Variants in HDAC2 observed in about 807,000 individuals in gnomAD.
HDAC2 encodes histone deacetylase 2.
Under a neutral mutation model 68.5 loss-of-function variants are expected in HDAC2, and 5 were observed. The observed-to-expected ratio is 0.07, with a 90% CI of 0.04 to 0.15. HDAC2 has a LOEUF of 0.15. HDAC2 is among the 10% of genes least tolerant of loss of function. The probability of loss-of-function intolerance (pLI) is 1.00; values close to 1 mark genes in which losing one functional copy is unlikely to be tolerated. For synonymous variants in HDAC2, 182 were observed against 191.3 expected (o/e 0.95, Z 0.40); for missense variants, 291 against 600.8 (o/e 0.48, Z 5.39).
intron 3 of HDAC2, among the ~76,000 whole-genome samples, chr6:113,957,620 G>A (rs1390217783): frequency 1.3e-5 from 2 of 152,004 alleles, no homozygotes; most frequent in East Asian, 1.9e-4. Context: ...AGAGTAGTGG[G>A]ATTACAGGCG....
chr6:113,960,059 G>C, intron 1 of HDAC2, 41 bp from the exon 2 acceptor site: 1 of 938,632 alleles, frequency 1.1e-6, no homozygotes, highest in Non-Finnish European at 1.8e-6. Flanking sequence ...ACAGACAAGA[G>C]ACCCTCCATG....
At chr6:113,955,812 C>T in intron 5 of HDAC2, 1 of 475,720 alleles carries the variant, frequency 2.1e-6, no homozygotes, top group South Asian at 4.0e-5. Flanking sequence ...TGCCTGGCCA[C>T]ACTTCTAAGT....
At chr6:113,954,107 G>A (rs182537835) in intron 5 of HDAC2, among the ~76,000 whole-genome samples, 61 of 152,318 alleles carry the variant, frequency 4.0e-4, no homozygotes, top group African/African-American at 1.3e-3. Flanking sequence ...TAACTCAAAC[G>A]CAGTTTAGGA....
At chr6:113,950,624 G>A (rs552466871) in intron 6 of HDAC2, among the ~76,000 whole-genome samples, 3 of 146,734 alleles carry the variant, frequency 2.0e-5, no homozygotes, top group Admixed American at 7.0e-5. Flanking sequence ...TCGAACTCTC[G>A]ACCTCAGGTA....
intron 1 of HDAC2, among the ~76,000 whole-genome samples, chr6:113,969,243 A>T (rs1186731525): frequency 6.6e-6 from 1 of 152,194 alleles, no homozygotes; most frequent in East Asian, 1.9e-4. Flanking sequence ...CTGAAAAATC[A>T]TTTTTAAAAG....
Position 113,934,436 on chromosome 6 carries a change from T to C in HDAC2, c.*6622A>G, listed in dbSNP as rs1198351489. On this transcript the variant is annotated 3_prime_UTR_variant, in exon 14 of 14. Coordinates refer to ENST00000519065, the MANE Select transcript of HDAC2 (RefSeq NM_001527.4). ...TGTAAAGGCTGGTGCTAGACCCATATATGTGATTTCCAGTGCATTGTTCTT... is the reference window on the plus strand; with the variant it reads ...TGTAAAGGCTGGTGCTAGACCCATACATGTGATTTCCAGTGCATTGTTCTT... 6.6e-6 allele frequency: 1 copy of C among 152,234 alleles called. No individual in the cohort carries two copies. Among genetic ancestry groups the C allele is most frequent in the Non-Finnish European group, 1.5e-5 (1 of 68,050 alleles). The allele number at this position is 152,234 out of a possible 1,614,324, so 9.4% of individuals were successfully genotyped here. A position where few individuals can be genotyped will look rare whatever the true frequency, so the allele number is the denominator to read the frequency against.
At position 113,938,554 on chromosome 6, in the gene HDAC2, A is replaced by G. The variant is rs1776057843; in HGVS notation, c.*2504T>C. 6.6e-6 allele frequency: 1 copy of G among 152,156 alleles called. No individual in the cohort carries two copies. The highest frequency in any genetic ancestry group is 2.4e-5 in the African/African-American group (1 of 41,442). The allele number at this position is 152,156 out of a possible 1,614,324, so 9.4% of individuals were successfully genotyped here. On this transcript the variant is annotated 3_prime_UTR_variant, in exon 14 of 14. Coordinates refer to ENST00000519065, the MANE Select transcript of HDAC2 (RefSeq NM_001527.4). Reference sequence around the variant, plus strand: ...TTTTCCTATTTAAATCTTCTAGTGGAGGGCAGAAAACTGGGTTTTCCATTT... The same window carrying G: ...TTTTCCTATTTAAATCTTCTAGTGGGGGGCAGAAAACTGGGTTTTCCATTT...
At chr6:113,948,454 A>C (rs1776315686) in intron 8 of HDAC2, 1 of 152,730 alleles carries the variant, frequency 6.5e-6, no homozygotes, top group Admixed American at 6.5e-5. Context: ...TTCAGCAATA[A>C]GTGGAGAGAA....
chr6:113,944,658 G>A (rs371271983), intron 10 of HDAC2, among the ~76,000 whole-genome samples: 1 of 152,110 alleles, frequency 6.6e-6, no homozygotes, highest in African/African-American at 2.4e-5. Context: ...ACCATGCCCG[G>A]CTAATTTTTA....
intron 12 of HDAC2, 81 bp from the exon 13 acceptor site, chr6:113,941,846 T>C: frequency 2.5e-6 from 1 of 403,658 alleles, no homozygotes; most frequent in Non-Finnish European, 4.2e-6. Context: ...TATACTTTAT[T>C]TTTAAAATAT....
In HDAC2 at chr6:113,937,802, T is replaced by G. The variant is rs1485755626; in HGVS notation, c.*3256A>C. 6.6e-6 allele frequency: 1 copy of G among 152,106 alleles called. No homozygotes were observed. The highest frequency in any genetic ancestry group is 1.5e-5 in the Non-Finnish European group (1 of 68,050). 9.4% of individuals were successfully genotyped at this position (152,106 alleles called of 1,614,324 possible). On this transcript the variant is annotated 3_prime_UTR_variant, in exon 14 of 14. Transcript: ENST00000519065. ...AGAAGTTCTAAGATGTAGTGAGATA[T>G]GATCAGGCTACCACACTCCATCCTG...
At chr6:113,964,283 A>G (rs932526484) in intron 1 of HDAC2, among the ~76,000 whole-genome samples, 2 of 151,994 alleles carry the variant, frequency 1.3e-5, no homozygotes, top group African/African-American at 4.8e-5. Context: ...AAGAGAAAAG[A>G]AAAAAGTTTA....
chr6:113,965,354 C>G (rs1776786593), intron 1 of HDAC2, among the ~76,000 whole-genome samples: 1 of 151,130 alleles, frequency 6.6e-6, no homozygotes, highest in South Asian at 2.1e-4. Flanking sequence ...GGTCCCCTCT[C>G]TTTTACTTTT....
At chr6:113,963,449 A>C (rs1484506765) in intron 1 of HDAC2, among the ~76,000 whole-genome samples, 1 of 152,198 alleles carries the variant, frequency 6.6e-6, no homozygotes, top group African/African-American at 2.4e-5. Context: ...TTCATCATTT[A>C]AATGGTCAGT....
intron 6 of HDAC2, among the ~76,000 whole-genome samples, chr6:113,951,038 T>G (rs1360466297): frequency 6.6e-5 from 10 of 152,220 alleles, no homozygotes; most frequent in Non-Finnish European, 1.3e-4. Context: ...AAAACACAGA[T>G]GAAATATATT....
rs541589268 is a variant in HDAC2, at chr6:113,934,668, G to A, written c.*6390C>T. On this transcript the variant is annotated 3_prime_UTR_variant, in exon 14 of 14. Coordinates refer to ENST00000519065, the MANE Select transcript of HDAC2 (RefSeq NM_001527.4). ...GCCTAACTCTAGAAATAGGATGGCA[G>A]AAGAGTCATTACATTAAGAAAGCCC... 1 of 152,310 alleles carries A rather than the reference G, an allele frequency of 6.6e-6. No homozygotes were observed. Among genetic ancestry groups the A allele is most frequent in the Non-Finnish European group, 1.5e-5 (1 of 68,024 alleles). The allele number at this position is 152,310 out of a possible 1,614,324, so 9.4% of individuals were successfully genotyped here. A position where few individuals can be genotyped will look rare whatever the true frequency, so the allele number is the denominator to read the frequency against.
At chr6:113,943,035 T>C (rs1362959394) in intron 12 of HDAC2, among the ~76,000 whole-genome samples, 1 of 152,182 alleles carries the variant, frequency 6.6e-6, no homozygotes, top group Non-Finnish European at 1.5e-5. Flanking sequence ...GTTCTGACCA[T>C]GCACTACCAA....
chr6:113,940,781 T>C lies in HDAC2; in HGVS notation c.*277A>G. On this transcript the variant is annotated 3_prime_UTR_variant, in exon 14 of 14. Transcript: ENST00000519065. Reference sequence around the variant, plus strand: ...GGAAAAATCAGCTCAGAAAGGCCAATTACTTCTTTAATAGATCAGTTTTTT... The same window carrying C: ...GGAAAAATCAGCTCAGAAAGGCCAACTACTTCTTTAATAGATCAGTTTTTT... 6.5e-6 allele frequency: 2 copies of C among 307,438 alleles called. No individual in the cohort carries two copies. The highest frequency in any genetic ancestry group is 5.5e-5 in the East Asian group (1 of 18,198). 19.0% of individuals were successfully genotyped at this position (307,438 alleles called of 1,614,324 possible). A position where few individuals can be genotyped will look rare whatever the true frequency, so the allele number is the denominator to read the frequency against.
At position 113,950,953 on chromosome 6, in the gene HDAC2, ATT is replaced by A. The variant is rs1487968426; in HGVS notation, c.640-1695_640-1694del. On this transcript the variant is annotated intron_variant, in intron 6 of 13. Transcript: ENST00000519065. ...TCTTGAAGTCTAAGTTTTTATTAAG[ATT>A]AACTAAATACAAACCATACAAATAT... 2.6e-5 allele frequency among the ~76,000 whole-genome samples: 4 copies of A among 152,182 alleles called. No homozygotes were observed. In the East Asian group the frequency reaches 7.7e-4, roughly 29 times the overall value.
Sources: gnomAD v4.1 joint callset for allele counts (sites outside exome capture counted in the v4.1 genomes callset) on GRCh38, gnomAD v4.1.1 for gene constraint, MANE v1.5 for transcripts, NCBI Gene and HGNC (gene_info 2026-07-23, HGNC 2026-07-21) for gene names.